Variants in TENM3 observed in about 807,000 individuals in gnomAD.
TENM3 encodes teneurin-3.
Under a neutral mutation model 255.1 loss-of-function variants are expected in TENM3, and 63 were observed. The ratio of observed to expected loss-of-function variants is 0.25; its 90% confidence interval spans 0.20 to 0.30. TENM3 has a LOEUF of 0.30. Ranked by LOEUF, TENM3 falls within the 10% of genes least tolerant of loss-of-function variation. The pLI, the probability that TENM3 is intolerant of heterozygous loss-of-function variation, is 1.00. For synonymous variants in TENM3, 1,306 were observed against 1,322.3 expected (o/e 0.99, Z 0.27); for missense variants, 2,929 against 3,461.1 (o/e 0.85, Z 3.86).
chr4:181,914,318 A>C, the TENM3 span, among the ~76,000 whole-genome samples: 1 of 152,020 alleles, frequency 6.6e-6, no homozygotes, highest in Non-Finnish European at 1.5e-5. Flanking sequence ...CCTAATCTCT[A>C]CCAATGGCCT....
chr4:182,697,078 G>A (rs1262448106), intron 12 of TENM3, among the ~76,000 whole-genome samples: 1 of 152,148 alleles, frequency 6.6e-6, no homozygotes, highest in African/African-American at 2.4e-5. Context: ...AGAGCACTTA[G>A]CACAGTGCCT....
the TENM3 span, among the ~76,000 whole-genome samples, chr4:181,886,952 A>C: frequency 1.3e-5 from 2 of 152,170 alleles, no homozygotes; most frequent in African/African-American, 4.8e-5. Context: ...CCATTGAGCC[A>C]ACGTAAATAA....
chr4:182,089,140 GC>G, the TENM3 span, among the ~76,000 whole-genome samples: 1 of 152,130 alleles, frequency 6.6e-6, no homozygotes, highest in Non-Finnish European at 1.5e-5. Flanking sequence ...GAGCTTTCCA[GC>G]CCCCAGAACT....
At chr4:182,094,500 C>T in the TENM3 span, among the ~76,000 whole-genome samples, 1 of 152,196 alleles carries the variant, frequency 6.6e-6, no homozygotes, top group African/African-American at 2.4e-5. Context: ...CCCGCCTCGG[C>T]ATCCCAAAGT....
chr4:182,313,235 C>T (rs1580122555), intron 1 of TENM3, among the ~76,000 whole-genome samples: 2 of 151,768 alleles, frequency 1.3e-5, no homozygotes, highest in African/African-American at 4.8e-5. Flanking sequence ...TATATATTTT[C>T]CAATTAAAAA....
At chr4:181,693,108 A>G in the TENM3 span, among the ~76,000 whole-genome samples, 1 of 152,176 alleles carries the variant, frequency 6.6e-6, no homozygotes, top group Non-Finnish European at 1.5e-5. Flanking sequence ...GCAGCAAATC[A>G]AATGTACCAG....
the TENM3 span, among the ~76,000 whole-genome samples, chr4:182,057,941 ATTTTTAAAAATCAG>A: frequency 2.0e-5 from 3 of 152,036 alleles, no homozygotes. Context: ...AATCAATAGC[ATTTTTAAAAATCAG>A]TTTTTAAAAA....
intron 1 of TENM3, among the ~76,000 whole-genome samples, chr4:182,163,007 A>G (rs1358515719): frequency 1.3e-5 from 2 of 152,138 alleles, no homozygotes; most frequent in Admixed American, 1.3e-4. Flanking sequence ...GTATTTGTAC[A>G]TTATCCCATT....
chr4:182,589,715 G>A (rs1378652450), intron 3 of TENM3, among the ~76,000 whole-genome samples: 1 of 152,116 alleles, frequency 6.6e-6, no homozygotes, highest in East Asian at 1.9e-4. Context: ...GCTCACGCCT[G>A]TAATCCCAGC....
intron 11 of TENM3, 56 bp downstream of exon 11, chr4:182,682,070 G>T (rs1756223011): frequency 7.0e-7 from 1 of 1,423,568 alleles, no homozygotes; most frequent in Non-Finnish European, 9.8e-7. Context: ...GGCTAAAGAT[G>T]ATATTTTAAT....
At chr4:181,785,839 A>G in the TENM3 span, among the ~76,000 whole-genome samples, 1 of 125,158 alleles carries the variant, frequency 8.0e-6, no homozygotes, top group Non-Finnish European at 1.8e-5. Flanking sequence ...CACACACACA[A>G]ACACACACAC....
the TENM3 span, among the ~76,000 whole-genome samples, chr4:181,499,112 C>A: frequency 6.6e-6 from 1 of 152,128 alleles, no homozygotes; most frequent in South Asian, 2.1e-4. Flanking sequence ...TAGATAATGA[C>A]CCACAACTTA....
chr4:182,018,943 C>T, the TENM3 span, among the ~76,000 whole-genome samples: 1 of 152,088 alleles, frequency 6.6e-6, no homozygotes, highest in Non-Finnish European at 1.5e-5. Context: ...GAGTAGGGGG[C>T]ACTGTCCAGA....
At chr4:182,503,629 A>C in intron 3 of TENM3, among the ~76,000 whole-genome samples, 1 of 152,028 alleles carries the variant, frequency 6.6e-6, no homozygotes, top group Non-Finnish European at 1.5e-5. Context: ...GATCCAGGTA[A>C]TTTTTCTGGA....
rs530156262 is a variant in TENM3, at chr4:182,650,636, T to A, written c.989-3135T>A. On this transcript the variant is annotated intron_variant, in intron 5 of 27. Transcript: ENST00000511685. Reference sequence around the variant, plus strand: ...TCTCTCTCTCTCCTCTCTCTAACTTTGGAGAGTCAGCCCCACTACCACCCT... The same window carrying A: ...TCTCTCTCTCTCCTCTCTCTAACTTAGGAGAGTCAGCCCCACTACCACCCT... 4.6e-4 allele frequency among the ~76,000 whole-genome samples: 68 copies of A among 149,248 alleles called. 1 individual carries two copies. Among genetic ancestry groups the A allele is most frequent in the African/African-American group, 1.6e-3 (67 of 41,250 alleles).
the TENM3 span, among the ~76,000 whole-genome samples, chr4:181,590,686 A>T: frequency 2.0e-5 from 3 of 152,254 alleles, no homozygotes; most frequent in African/African-American, 7.2e-5. Context: ...AGATGAGAAC[A>T]TAAAAGTCTA....
the TENM3 span, among the ~76,000 whole-genome samples, chr4:182,090,824 A>C: frequency 6.6e-6 from 1 of 152,152 alleles, no homozygotes; most frequent in Non-Finnish European, 1.5e-5. Flanking sequence ...TCTCCCATAA[A>C]ATCATTTGTA....
chr4:182,100,650 C>CACACATATATACACATATATACACAT, the TENM3 span, among the ~76,000 whole-genome samples: 2 of 35,580 alleles, frequency 5.6e-5, no homozygotes, highest in African/African-American at 2.4e-4. Context: ...TATATATACA[C>CACACATATATACACATATATACACAT]ATATATACAC....
intron 12 of TENM3, among the ~76,000 whole-genome samples, chr4:182,696,161 TA>T (rs747580472): frequency 4.6e-5 from 7 of 150,960 alleles, no homozygotes; most frequent in South Asian, 4.2e-4. Flanking sequence ...TATTACACAA[TA>T]AAAAAAAAGT....
Sources: gnomAD v4.1 joint callset for allele counts (sites outside exome capture counted in the v4.1 genomes callset) on GRCh38, gnomAD v4.1.1 for gene constraint, MANE v1.5 for transcripts, NCBI Gene and HGNC (gene_info 2026-07-23, HGNC 2026-07-21) for gene names.